RFPL4A: variants seen among roughly 807,000 people sequenced by gnomAD.
RFPL4A encodes the protein ret finger protein-like 4A.
Under a neutral mutation model 8.3 loss-of-function variants are expected in RFPL4A, and 4 were observed. The observed-to-expected ratio is 0.48, with a 90% CI of 0.24 to 1.10. The LOEUF is 1.10. RFPL4A is among the 50% of genes least tolerant of loss of function. RFPL4A has a pLI of 0.18. For missense variants in RFPL4A, 111 were observed against 358.7 expected, an observed-to-expected ratio of 0.31 and a Z score of 5.58; for synonymous variants, 43 against 136.6, an observed-to-expected ratio of 0.31 and a Z score of 4.78.
upstream of RFPL4A, among the ~76,000 whole-genome samples, chr19:55,758,560 GAA>G (rs1989219541): frequency 6.6e-6 from 1 of 151,376 alleles, no homozygotes. Context: ...CAACTACAAA[GAA>G]AAACGGACTT....
chr19:55,761,453 C>A (rs1286304873), intron 1 of RFPL4A, among the ~76,000 whole-genome samples: 1 of 138,904 alleles, frequency 7.2e-6, no homozygotes, highest in Non-Finnish European at 1.6e-5. Flanking sequence ...TGGCTCACAG[C>A]ACATCTCCAT....
chr19:55,762,124 G>C lies in RFPL4A; in HGVS notation c.286+38G>C, dbSNP rs1413802443. On this transcript the variant is annotated intron_variant, in intron 2 of 2. Coordinates refer to ENST00000434937, the MANE Select transcript of RFPL4A (RefSeq NM_001145014.2). ...TAGGACCTGCCACAACCCATAAAAGGCACTGGGAAAATGTCTTTCAAACAT... is the reference window on the plus strand; with the variant it reads ...TAGGACCTGCCACAACCCATAAAAGCCACTGGGAAAATGTCTTTCAAACAT... 3 of 1,534,334 alleles carry C rather than the reference G, an allele frequency of 2.0e-6. No homozygotes were observed. The East Asian group carries it at 7.1e-5, about 37-fold the overall frequency.
In RFPL4A at chr19:55,762,927, CCT is replaced by C. The variant is rs1989321184; in HGVS notation, c.621_622del (p.Trp208GlyfsTer25). On this transcript the variant is annotated frameshift_variant, in exon 3 of 3. Transcript: ENST00000434937. LOFTEE classifies it low-confidence loss of function (END_TRUNC). ...TGCTGCCAGCACTGTGCCTATGACT[CCT>C]CTCTGGGTGAGTCCCCAGTTGCACA... ...VFAASTVPMT[P>X]LWVSPQLHRV... 3.2e-6 allele frequency: 5 copies of C among 1,551,170 alleles called. No individual in the cohort carries two copies. Among genetic ancestry groups the C allele is most frequent in the Non-Finnish European group, 4.4e-6 (5 of 1,146,748 alleles).
chr19:55,761,084 C>G (rs2547291), intron 1 of RFPL4A, among the ~76,000 whole-genome samples: 7,004 of 97,828 alleles, frequency 0.072, 1,468 homozygotes, highest in Non-Finnish European at 0.12. Context: ...TCTGGTTTTT[C>G]CTTTTTTTTT....
At chr19:55,761,085 C>CTTTTTTTTT (rs569591290) in intron 1 of RFPL4A, among the ~76,000 whole-genome samples, 2 of 94,556 alleles carry the variant, frequency 2.1e-5, no homozygotes, top group African/African-American at 6.9e-5. Context: ...CTGGTTTTTC[C>CTTTTTTTTT]TTTTTTTTTT....
chr19:55,759,992 G>A (rs764684519), intron 1 of RFPL4A, among the ~76,000 whole-genome samples: 6 of 151,602 alleles, frequency 4.0e-5, no homozygotes, highest in Non-Finnish European at 8.8e-5. Context: ...TGTGAATAAC[G>A]CTGCAGAGAA....
chr19:55,761,872 G>A lies in RFPL4A; in HGVS notation c.72G>A (p.Leu24=). The change falls in exon 2 of 3, where the codon CTG becomes CTA. Residue 24 remains leucine (L), a synonymous_variant. Transcript: ENST00000434937. The stretch of plus-strand genomic sequence containing the variant: ...AAGATCTTGAAGAAGCCGTGCAACT[G>A]AAATGTGGATATGCCTGCTGCCTCC... The part of the protein sequence containing the change: ...CLKDLEEAVQ[L]KCGYACCLQC... 1.3e-6 allele frequency: 2 copies of A among 1,500,060 alleles called. No homozygotes were observed. Among genetic ancestry groups the A allele is most frequent in the South Asian group, 1.2e-5 (1 of 82,592 alleles). 92.9% of individuals were successfully genotyped at this position (1,500,060 alleles called of 1,614,324 possible).
intron 1 of RFPL4A, 135 bp from the exon 2 acceptor site, chr19:55,761,657 T>G (rs1405161776): frequency 1.3e-5 from 17 of 1,345,122 alleles, no homozygotes; most frequent in South Asian, 1.0e-4. Flanking sequence ...ATGTTGTGTC[T>G]TCGTCACTAG....
chr19:55,761,085 C>CT (rs569591290), intron 1 of RFPL4A, among the ~76,000 whole-genome samples: 10,256 of 94,472 alleles, frequency 0.11, 1,779 homozygotes, highest in East Asian at 0.29. Flanking sequence ...CTGGTTTTTC[C>CT]TTTTTTTTTT....
chr19:55,762,078 A>T lies in RFPL4A; in HGVS notation c.278A>T (p.Lys93Met), dbSNP rs1232294925. The T allele has an allele frequency of 1.1e-5, 17 of 1,482,932 alleles. No homozygotes were observed. The highest frequency in any genetic ancestry group is 1.5e-5 in the Non-Finnish European group (16 of 1,103,410). 91.9% of individuals were successfully genotyped at this position (1,482,932 alleles called of 1,614,324 possible). A position where few individuals can be genotyped will look rare whatever the true frequency, so the allele number is the denominator to read the frequency against. ...SVLTMNPRMR[K>M]FQVDMTFDVD... ...CTAACAATGAACCCAAGGATGAGGA[A>T]GTTTCAAGGTAAGGAATCTATAGGA... is the stretch of plus-strand genomic sequence containing the variant. Residue 93 changes from lysine (K) to methionine (M), a missense_variant, in exon 2 of 3, where the codon AAG becomes ATG. Physicochemically the swap from Lys to Met is moderately conservative, Grantham distance 95. Coordinates refer to ENST00000434937, the MANE Select transcript of RFPL4A (RefSeq NM_001145014.2).
At chr19:55,760,026 G>A (rs1310174011) in intron 1 of RFPL4A, among the ~76,000 whole-genome samples, 2 of 151,614 alleles carry the variant, frequency 1.3e-5, no homozygotes, top group African/African-American at 4.9e-5. Context: ...ATGTCTCTTT[G>A]ACATGCTGAC....
chr19:55,758,909 A>G (rs1989227719), upstream of RFPL4A: 1 of 150,854 alleles, frequency 6.6e-6, no homozygotes, highest in Non-Finnish European at 1.5e-5. Flanking sequence ...AAATTATTAC[A>G]TGGCAATATT....
At chr19:55,759,301 G>A (rs1989235629) in intron 1 of RFPL4A, 126 bp downstream of exon 1, 1 of 152,122 alleles carries the variant, frequency 6.6e-6, no homozygotes, top group Admixed American at 6.5e-5. Flanking sequence ...TGTATTTCTG[G>A]AGGATAAGGG....
upstream of RFPL4A, among the ~76,000 whole-genome samples, chr19:55,757,472 C>A (rs1307307680): frequency 6.6e-6 from 1 of 152,056 alleles, no homozygotes; most frequent in African/African-American, 2.4e-5. Flanking sequence ...GACACGCCTG[C>A]AGGGACGGGG....
At chr19:55,759,995 G>A (rs10415985) in intron 1 of RFPL4A, among the ~76,000 whole-genome samples, 2,221 of 151,746 alleles carry the variant, frequency 0.015, 106 homozygotes, top group African/African-American at 0.05. Flanking sequence ...GAATAACGCT[G>A]CAGAGAACCT....
chr19:55,761,085 CTTT>C (rs569591290), intron 1 of RFPL4A, among the ~76,000 whole-genome samples: 1 of 94,540 alleles, frequency 1.1e-5, no homozygotes, highest in Admixed American at 1.1e-4. Flanking sequence ...CTGGTTTTTC[CTTT>C]TTTTTTTTTT....
chr19:55,757,515 T>C (rs529212523), upstream of RFPL4A, among the ~76,000 whole-genome samples: 14 of 152,160 alleles, frequency 9.2e-5, no homozygotes, highest in South Asian at 2.9e-3. Flanking sequence ...GACTGGGATG[T>C]TGAAGGACAG....
chr19:55,757,449 C>T (rs1050080926), upstream of RFPL4A, among the ~76,000 whole-genome samples: 4 of 152,012 alleles, frequency 2.6e-5, no homozygotes, highest in African/African-American at 4.8e-5. Flanking sequence ...CAACCATTTA[C>T]GTCAGCTTCT....
rs1399110630 is a variant in RFPL4A, at chr19:55,763,330, G to C, written c.*155G>C. Among the ~76,000 whole-genome samples, 9 of 149,020 alleles carry C rather than the reference G, an allele frequency of 6.0e-5. No individual in the cohort carries two copies. Among genetic ancestry groups the C allele is most frequent in the Admixed American group, 1.3e-4 (2 of 15,166 alleles). On this transcript the variant is annotated 3_prime_UTR_variant, in exon 3 of 3. Transcript: ENST00000434937. ...AACAGAAAGCAATTATATTAATGAGGGGAAAATTACATTGTACTTAAAGTT... is the reference window on the plus strand; with the variant it reads ...AACAGAAAGCAATTATATTAATGAGCGGAAAATTACATTGTACTTAAAGTT...
Sources: gnomAD v4.1 joint callset for allele counts (sites outside exome capture counted in the v4.1 genomes callset) on GRCh38, gnomAD v4.1.1 for gene constraint, MANE v1.5 for transcripts, NCBI Gene and HGNC (gene_info 2026-07-23, HGNC 2026-07-21) for gene names.